Variants in NAALADL2 observed in about 807,000 individuals in gnomAD.
NAALADL2 encodes N-acetylated alpha-linked acidic dipeptidase like 2.
A neutral mutation model predicts 87.2 loss-of-function variants in NAALADL2; 76 were observed. The ratio of observed to expected loss-of-function variants is 0.87; its 90% CI spans 0.72 to 1.05. The LOEUF is 1.05. Among genes scored for constraint, NAALADL2 ranks in the 50% least tolerant of loss-of-function variants. The probability of loss-of-function intolerance (pLI) is 0.00; values close to 1 mark genes in which losing one functional copy is unlikely to be tolerated. For synonymous variants in NAALADL2, 354 were observed against 331.0 expected, an observed-to-expected ratio of 1.07 and a Z score of -0.75; for missense variants, 1,089 against 945.8, an observed-to-expected ratio of 1.15 and a Z score of -1.99.
chr3:175,156,844 A>G (rs9860693), intron 2 of NAALADL2, among the ~76,000 whole-genome samples: 26,742 of 151,934 alleles, frequency 0.18, 2,967 homozygotes, highest in African/African-American at 0.31. Context: ...TAAAAAATAG[A>G]TGTTTAAAAT....
At chr3:174,835,243 T>C (rs184412481) in intron 3 of NAALADL2, among the ~76,000 whole-genome samples, 6 of 152,186 alleles carry the variant, frequency 3.9e-5, no homozygotes, top group African/African-American at 1.4e-4. Context: ...ATTAAGTTCT[T>C]ACTATTTAAT....
chr3:174,862,804 C>T (rs6801168), intron 1 of NAALADL2, among the ~76,000 whole-genome samples: 47,472 of 152,030 alleles, frequency 0.31, 7,540 homozygotes, highest in East Asian at 0.42. Flanking sequence ...ACTCGTGCTG[C>T]CTACCAGCTG....
chr3:175,423,305 G>C (rs1363199027), intron 5 of NAALADL2, among the ~76,000 whole-genome samples: 1 of 144,842 alleles, frequency 6.9e-6, no homozygotes, highest in Non-Finnish European at 1.5e-5. Flanking sequence ...TAGGGTACAA[G>C]TGCACAACGT....
At chr3:175,011,272 CAGAGAGACAGAGAGAGAGAGAGAG>C (rs1219152824) in intron 1 of NAALADL2, among the ~76,000 whole-genome samples, 9 of 110,290 alleles carry the variant, frequency 8.2e-5, no homozygotes, top group African/African-American at 2.8e-4. Flanking sequence ...GGGAGAGAGA[CAGAGAGACAGAGAGAGAGAGAGAG>C]AGAGAGAGAG....
chr3:174,512,685 T>G (rs1049650169), intron 1 of NAALADL2, among the ~76,000 whole-genome samples: 1 of 152,130 alleles, frequency 6.6e-6, no homozygotes, highest in Non-Finnish European at 1.5e-5. Context: ...CTCTGTCTCC[T>G]CAACTCAGTG....
At chr3:175,265,084 C>T (rs943762837) in intron 4 of NAALADL2, among the ~76,000 whole-genome samples, 3 of 151,584 alleles carry the variant, frequency 2.0e-5, no homozygotes, top group Non-Finnish European at 4.4e-5. Context: ...AAGATTTTAT[C>T]AAGAACTATA....
intron 2 of NAALADL2, among the ~76,000 whole-genome samples, chr3:175,100,585 C>A (rs1016087384): frequency 5.3e-5 from 8 of 152,022 alleles, no homozygotes; most frequent in African/African-American, 1.2e-4. Context: ...TGCCTGTAAT[C>A]CCAGCAGTTT....
intron 2 of NAALADL2, among the ~76,000 whole-genome samples, chr3:174,724,432 T>A (rs1402004168): frequency 1.3e-5 from 2 of 152,166 alleles, no homozygotes; most frequent in African/African-American, 4.8e-5. Flanking sequence ...TAAACAAATA[T>A]TGGTAGACTA....
chr3:175,203,278 T>C (rs1177377680), intron 2 of NAALADL2, among the ~76,000 whole-genome samples: 1 of 152,174 alleles, frequency 6.6e-6, no homozygotes, highest in Non-Finnish European at 1.5e-5. Flanking sequence ...CAGGCAGGAA[T>C]GGCCTGCTTT....
At chr3:174,673,762 A>G (rs1379791579) in intron 2 of NAALADL2, among the ~76,000 whole-genome samples, 1 of 152,006 alleles carries the variant, frequency 6.6e-6, no homozygotes, top group Non-Finnish European at 1.5e-5. Context: ...TATGCTTAAA[A>G]ACAGTATACT....
At chr3:175,507,541 GCCTCCCCAGCAGCT>G (rs1271900988) in intron 9 of NAALADL2, among the ~76,000 whole-genome samples, 1 of 152,062 alleles carries the variant, frequency 6.6e-6, no homozygotes, top group Admixed American at 6.5e-5. Flanking sequence ...TCCTGCCTCA[GCCTCCCCAGCAGCT>G]GGGATTACAG....
At chr3:175,795,886 G>A (rs1437015164) in intron 13 of NAALADL2, among the ~76,000 whole-genome samples, 1 of 151,734 alleles carries the variant, frequency 6.6e-6, no homozygotes, top group African/African-American at 2.4e-5. Context: ...TCTTCTGGTT[G>A]TGGCTGGGCT....
intron 9 of NAALADL2, among the ~76,000 whole-genome samples, chr3:175,536,125 T>C (rs1291156366): frequency 6.6e-6 from 1 of 152,222 alleles, no homozygotes; most frequent in Non-Finnish European, 1.5e-5. Flanking sequence ...CACTTCATTT[T>C]CTATAAAAAT....
intron 3 of NAALADL2, among the ~76,000 whole-genome samples, chr3:174,752,893 T>A: frequency 6.6e-6 from 1 of 152,210 alleles, no homozygotes; most frequent in East Asian, 1.9e-4. Flanking sequence ...AACATTTCAA[T>A]GGGATACTAA....
intron 3 of NAALADL2, among the ~76,000 whole-genome samples, chr3:174,749,700 A>G (rs2109033584): frequency 6.6e-6 from 1 of 152,300 alleles, no homozygotes; most frequent in East Asian, 1.9e-4. Context: ...AGGATGTAGG[A>G]ATGTTAGTGC....
chr3:175,137,142 A>G (rs1033490849), intron 2 of NAALADL2, among the ~76,000 whole-genome samples: 21 of 152,136 alleles, frequency 1.4e-4, no homozygotes, highest in African/African-American at 4.6e-4. Flanking sequence ...AAAGAAAAAT[A>G]TTTCTCATTA....
At chr3:175,241,987 A>G (rs956076006) in intron 3 of NAALADL2, among the ~76,000 whole-genome samples, 3 of 148,406 alleles carry the variant, frequency 2.0e-5, no homozygotes, top group Non-Finnish European at 4.5e-5. Flanking sequence ...TCAGCCTCCC[A>G]AGTAGCTGGG....
In NAALADL2 at chr3:174,984,418, A is replaced by AT. The variant is rs11285535; in HGVS notation, c.44-112361dup. Among the ~76,000 whole-genome samples, 462 of 148,634 alleles carry AT rather than the reference A, an allele frequency of 3.1e-3. 3 individuals are homozygous for AT. The highest frequency in any genetic ancestry group is 9.8e-3 in the African/African-American group (397 of 40,688). On this transcript the variant is annotated intron_variant, in intron 1 of 13. Coordinates refer to ENST00000454872, the MANE Select transcript of NAALADL2 (RefSeq NM_207015.3). ...CTGATTCATGAATGTAGCTTGTTTA[A>AT]TTTTTTTTTTTCAACACTACGCAGT...
At chr3:175,129,685 T>A (rs577911081) in intron 2 of NAALADL2, among the ~76,000 whole-genome samples, 1 of 152,210 alleles carries the variant, frequency 6.6e-6, no homozygotes, top group Non-Finnish European at 1.5e-5. Flanking sequence ...CACATGTATA[T>A]GTATATATCT....
Sources: gnomAD v4.1 joint callset for allele counts (sites outside exome capture counted in the v4.1 genomes callset) on GRCh38, gnomAD v4.1.1 for gene constraint, MANE v1.5 for transcripts, NCBI Gene and HGNC (gene_info 2026-07-23, HGNC 2026-07-21) for gene names.